OPCML: variants seen among roughly 807,000 people sequenced by gnomAD.
OPCML encodes opioid binding protein/cell adhesion molecule like.
In OPCML, 13 loss-of-function variants were observed where a neutral mutation model predicts 37.8. That is an observed-to-expected ratio of 0.34 (90% confidence interval 0.22 to 0.55). OPCML has a LOEUF of 0.55. Ranked by LOEUF, OPCML falls within the 20% of genes least tolerant of loss-of-function variation. The probability of loss-of-function intolerance (pLI) is 0.91; values close to 1 mark genes in which losing one functional copy is unlikely to be tolerated. For missense variants in OPCML, 341 were observed against 435.6 expected, an observed-to-expected ratio of 0.78 and a Z score of 1.93; for synonymous variants, 176 against 168.8, an observed-to-expected ratio of 1.04 and a Z score of -0.33.
chr11:133,041,024 A>G (rs1353531563), intron 1 of OPCML, among the ~76,000 whole-genome samples: 2 of 152,210 alleles, frequency 1.3e-5, no homozygotes, highest in Non-Finnish European at 2.9e-5. Flanking sequence ...AAATACTGCA[A>G]GTTAGCTGGA....
intron 1 of OPCML, among the ~76,000 whole-genome samples, chr11:133,207,062 C>T (rs113943554): frequency 0.024 from 3,481 of 144,232 alleles, 38 homozygotes; most frequent in African/African-American, 0.026. Context: ...CCGAGGCGGG[C>T]GGATCTCGAG....
chr11:132,790,776 G>A (rs372132053), intron 2 of OPCML, among the ~76,000 whole-genome samples: 7 of 152,178 alleles, frequency 4.6e-5, no homozygotes, highest in African/African-American at 1.4e-4. Context: ...TTCAGATGGG[G>A]CACAGCTTGG....
intron 2 of OPCML, among the ~76,000 whole-genome samples, chr11:132,850,516 G>GGA (rs796790289): frequency 6.8e-6 from 1 of 148,028 alleles, no homozygotes; most frequent in East Asian, 2.0e-4. Flanking sequence ...CTGTGGAAAG[G>GGA]GTGTGTGTGT....
chr11:132,793,367 A>ATATT (rs10637540), intron 2 of OPCML, among the ~76,000 whole-genome samples: 1,602 of 152,290 alleles, frequency 0.011, 30 homozygotes, highest in African/African-American at 0.037. Flanking sequence ...GTTTATGCAT[A>ATATT]TATTTTATTG....
chr11:133,505,274 G>A (rs1371339209), intron 1 of OPCML, among the ~76,000 whole-genome samples: 1 of 152,232 alleles, frequency 6.6e-6, no homozygotes, highest in African/African-American at 2.4e-5. Context: ...TGGAGAGAAG[G>A]GGGCCGGAGG....
At chr11:132,720,173 T>A (rs1944628753) in intron 2 of OPCML, among the ~76,000 whole-genome samples, 1 of 152,190 alleles carries the variant, frequency 6.6e-6, no homozygotes, top group African/African-American at 2.4e-5. Context: ...ACTGCACAGC[T>A]CTGCATGCAT....
chr11:132,836,870 G>A (rs1161995649), intron 2 of OPCML, among the ~76,000 whole-genome samples: 3 of 152,168 alleles, frequency 2.0e-5, no homozygotes, highest in Non-Finnish European at 4.4e-5. Flanking sequence ...TGGCATCAGA[G>A]AAGGCAGATG....
Position 132,846,070 on chromosome 11 carries a change from AG to A in OPCML, c.146+96855del, listed in dbSNP as rs1419570968. The stretch of plus-strand genomic sequence containing the variant: ...AGAAATTAAAAGTTAATTAAAGAAA[AG>A]GGCAGGACACATTTCCATAAAGCAT... On this transcript the variant is annotated intron_variant, in intron 2 of 7. Coordinates refer to ENST00000524381, the MANE Select transcript of OPCML (RefSeq NM_001012393.5). Among the ~76,000 whole-genome samples, 48 of 152,206 alleles carry A rather than the reference AG, an allele frequency of 3.2e-4. 1 individual carries two copies. The highest frequency in any genetic ancestry group is 3.0e-3 in the Admixed American group (46 of 15,280).
At chr11:133,236,188 T>C (rs1426340814) in intron 1 of OPCML, among the ~76,000 whole-genome samples, 1 of 152,172 alleles carries the variant, frequency 6.6e-6, no homozygotes. Context: ...ACACATGCAC[T>C]GCGATAATCC....
chr11:132,518,555 C>T (rs1396703911), intron 4 of OPCML, among the ~76,000 whole-genome samples: 2 of 152,200 alleles, frequency 1.3e-5, no homozygotes, highest in Non-Finnish European at 2.9e-5. Flanking sequence ...TGTTCCCTGC[C>T]TTGAAGGCTT....
intron 4 of OPCML, among the ~76,000 whole-genome samples, chr11:132,452,316 G>C (rs1565574313): frequency 6.6e-6 from 1 of 152,216 alleles, no homozygotes; most frequent in East Asian, 1.9e-4. Flanking sequence ...CAAGCTGGGG[G>C]AGGATGAAAG....
chr11:133,516,080 T>G (rs967807040), intron 1 of OPCML, among the ~76,000 whole-genome samples: 3 of 151,802 alleles, frequency 2.0e-5, no homozygotes, highest in Non-Finnish European at 4.4e-5. Flanking sequence ...GAGAAACAAC[T>G]GGGAGAGAAG....
intron 1 of OPCML, among the ~76,000 whole-genome samples, chr11:133,165,540 C>T (rs753515856): frequency 6.6e-6 from 1 of 152,160 alleles, no homozygotes; most frequent in African/African-American, 2.4e-5. Context: ...TGATACTTCC[C>T]AAGTTTTCAA....
In OPCML at chr11:133,002,524, T is replaced by C. The variant is rs139121822; in HGVS notation, c.62-59514A>G. Among the ~76,000 whole-genome samples the C allele has an allele frequency of 5.3e-5, 8 of 152,262 alleles. No individual in the cohort carries two copies. In the East Asian group the frequency reaches 1.5e-3, roughly 29 times the overall value. On this transcript the variant is annotated intron_variant, in intron 1 of 7. Coordinates refer to ENST00000524381, the MANE Select transcript of OPCML (RefSeq NM_001012393.5). Reference sequence around the variant, plus strand: ...GTTCTTGCTTTCTTTATCTATCAAATAAGGAGGATGATGTTAGTTCTGTGT... The same window carrying C: ...GTTCTTGCTTTCTTTATCTATCAAACAAGGAGGATGATGTTAGTTCTGTGT...
intron 2 of OPCML, among the ~76,000 whole-genome samples, chr11:132,922,694 C>A (rs7946806): frequency 0.13 from 20,296 of 152,006 alleles, 1,551 homozygotes; most frequent in East Asian, 0.33. Flanking sequence ...AAGAGTAAAG[C>A]AAAAAATTGT....
At chr11:133,165,792 C>T (rs758923491) in intron 1 of OPCML, among the ~76,000 whole-genome samples, 14 of 152,168 alleles carry the variant, frequency 9.2e-5, no homozygotes, top group Non-Finnish European at 1.8e-4. Flanking sequence ...GCTCACTTCA[C>T]GTGTTTTCTC....
chr11:133,379,370 T>C (rs1944883340), intron 1 of OPCML, among the ~76,000 whole-genome samples: 1 of 152,242 alleles, frequency 6.6e-6, no homozygotes, highest in African/African-American at 2.4e-5. Context: ...TCAGCTGAGC[T>C]CTTTAGAGAG....
chr11:132,469,700 GTGTA>G (rs1349889867), intron 4 of OPCML, among the ~76,000 whole-genome samples: 1 of 143,228 alleles, frequency 7.0e-6, no homozygotes, highest in African/African-American at 2.6e-5. Flanking sequence ...GTGTATGTGT[GTGTA>G]TGTGTGGAGG....
intron 3 of OPCML, among the ~76,000 whole-genome samples, chr11:132,534,479 T>C (rs2096334902): frequency 6.6e-6 from 1 of 152,196 alleles, no homozygotes; most frequent in Non-Finnish European, 1.5e-5. Flanking sequence ...CTCAAACGAT[T>C]GTGTACTTGT....
Sources: gnomAD v4.1 joint callset for allele counts (sites outside exome capture counted in the v4.1 genomes callset) on GRCh38, gnomAD v4.1.1 for gene constraint, MANE v1.5 for transcripts, NCBI Gene and HGNC (gene_info 2026-07-23, HGNC 2026-07-21) for gene names.